DCLK2: variants seen among roughly 807,000 people sequenced by gnomAD.
DCLK2 encodes the protein doublecortin like kinase 2.
Under a neutral mutation model 78.4 loss-of-function variants are expected in DCLK2, and 31 were observed. That is an observed-to-expected ratio of 0.40 (90% confidence interval 0.30 to 0.53). The LOEUF (loss-of-function observed/expected upper bound fraction) is 0.53, where lower values mean the gene tolerates loss of function less well. Ranked by LOEUF, DCLK2 falls within the 20% of genes least tolerant of loss-of-function variation. DCLK2 has a pLI of 0.61. For synonymous variants in DCLK2, 407 were observed against 374.9 expected (o/e 1.09, Z -0.99); for missense variants, 872 against 973.7 (o/e 0.90, Z 1.39).
In DCLK2 at chr4:150,106,218, A is replaced by G. The variant is rs544854027; in HGVS notation, c.756+3406A>G. On this transcript the variant is annotated intron_variant, in intron 2 of 15. Coordinates refer to ENST00000296550, the MANE Select transcript of DCLK2 (RefSeq NM_001040260.4). Reference sequence around the variant, plus strand: ...TAGTGCTGAGTCCATGTTGTACTATATAGGTGAACTCGCTAATCTTCAAAA... The same window carrying G: ...TAGTGCTGAGTCCATGTTGTACTATGTAGGTGAACTCGCTAATCTTCAAAA... Among the ~76,000 whole-genome samples the G allele has an allele frequency of 3.3e-5, 5 of 152,318 alleles. No individual in the cohort carries two copies. In the South Asian group the frequency reaches 6.2e-4, roughly 19 times the overall value.
At chr4:150,208,401 TTTTTGTTTTG>T (rs139381318) in intron 5 of DCLK2, among the ~76,000 whole-genome samples, 17 of 146,716 alleles carry the variant, frequency 1.2e-4, no homozygotes, top group Non-Finnish European at 2.0e-4. Context: ...TTTTTTTTTG[TTTTTGTTTTG>T]TTTTGTTTTG....
At chr4:150,138,615 A>G (rs900816493) in intron 2 of DCLK2, among the ~76,000 whole-genome samples, 3 of 152,206 alleles carry the variant, frequency 2.0e-5, no homozygotes, top group South Asian at 4.1e-4. Flanking sequence ...TAAGAGGTTT[A>G]TATAGACCAG....
intron 12 of DCLK2, among the ~76,000 whole-genome samples, chr4:150,241,584 T>A (rs574093974): frequency 7.9e-5 from 12 of 152,240 alleles, no homozygotes; most frequent in Non-Finnish European, 1.3e-4. Flanking sequence ...AGGAATAAAG[T>A]GGTGAACAAA....
intron 1 of DCLK2, among the ~76,000 whole-genome samples, chr4:150,085,722 AG>A (rs1318282208): frequency 6.6e-6 from 1 of 152,224 alleles, no homozygotes; most frequent in Non-Finnish European, 1.5e-5. Flanking sequence ...GTGAGGATGC[AG>A]TGAGAAGTCA....
At chr4:150,082,829 T>A (rs968849159) in intron 1 of DCLK2, among the ~76,000 whole-genome samples, 2 of 152,206 alleles carry the variant, frequency 1.3e-5, no homozygotes, top group African/African-American at 4.8e-5. Flanking sequence ...GTTCCGTGTG[T>A]CTTCTCTCCT....
intron 4 of DCLK2, among the ~76,000 whole-genome samples, chr4:150,201,636 G>T (rs760135393): frequency 2.2e-4 from 34 of 152,114 alleles, no homozygotes; most frequent in Non-Finnish European, 3.7e-4. Context: ...CTACTGCAGA[G>T]ATCGCCATCT....
chr4:150,230,928 T>G (rs748171598), intron 8 of DCLK2, among the ~76,000 whole-genome samples: 5 of 152,226 alleles, frequency 3.3e-5, no homozygotes, highest in Non-Finnish European at 7.3e-5. Flanking sequence ...CTAGCCCTGT[T>G]CATTAAAAGA....
At chr4:150,130,458 C>T (rs879508113) in intron 2 of DCLK2, among the ~76,000 whole-genome samples, 3 of 152,024 alleles carry the variant, frequency 2.0e-5, no homozygotes, top group Non-Finnish European at 4.4e-5. Context: ...CACACATGTA[C>T]ACGAACATGC....
At chr4:150,255,895 C>T (rs541005433) in intron 15 of DCLK2, 125 bp from the exon 16 acceptor site, 1 of 1,441,840 alleles carries the variant, frequency 6.9e-7, no homozygotes, top group South Asian at 1.5e-5. Flanking sequence ...CTGTTAGAAG[C>T]TTGGCGTTAT....
At chr4:150,253,641 C>T (rs1232965348) in intron 15 of DCLK2, 14 of 1,274,254 alleles carry the variant, frequency 1.1e-5, no homozygotes, top group Admixed American at 4.8e-5. Flanking sequence ...CTGATGCCGC[C>T]GTCCGGCTCT....
At position 150,107,634 on chromosome 4, in the gene DCLK2, T is replaced by C. The variant is rs78152693; in HGVS notation, c.756+4822T>C. Among the ~76,000 whole-genome samples, 811 of 152,252 alleles carry C rather than the reference T, an allele frequency of 5.3e-3. 5 individuals are homozygous for C. Among genetic ancestry groups the C allele is most frequent in the African/African-American group, 0.018 (768 of 41,546 alleles). On this transcript the variant is annotated intron_variant, in intron 2 of 15. Coordinates refer to ENST00000296550, the MANE Select transcript of DCLK2 (RefSeq NM_001040260.4). ...CAAGCGATCCACTTACCTTGGCCTCTGAAAGTACTGGGACAAAGGCATGAG... is the reference window on the plus strand; with the variant it reads ...CAAGCGATCCACTTACCTTGGCCTCCGAAAGTACTGGGACAAAGGCATGAG...
chr4:150,252,015 G>A (rs964817990), intron 15 of DCLK2, among the ~76,000 whole-genome samples: 8 of 152,200 alleles, frequency 5.3e-5, no homozygotes, highest in South Asian at 4.2e-4. Flanking sequence ...CTTTGGGGGC[G>A]CTCTGTGCCA....
intron 2 of DCLK2, among the ~76,000 whole-genome samples, chr4:150,164,821 AT>A (rs961469200): frequency 6.6e-6 from 1 of 152,150 alleles, no homozygotes; most frequent in African/African-American, 2.4e-5. Context: ...AAGTCCAGTT[AT>A]ATTTTATTAG....
At chr4:150,247,219 A>G (rs1743384306) in intron 12 of DCLK2, among the ~76,000 whole-genome samples, 1 of 152,076 alleles carries the variant, frequency 6.6e-6, no homozygotes, top group Non-Finnish European at 1.5e-5. Flanking sequence ...TGGTAAATAT[A>G]CATAAGAAAA....
intron 2 of DCLK2, among the ~76,000 whole-genome samples, chr4:150,175,088 A>ATTTT (rs1384576001): frequency 5.5e-5 from 4 of 73,206 alleles, no homozygotes; most frequent in African/African-American, 2.4e-4. Context: ...ATATTTATAT[A>ATTTT]TATATTTATA....
intron 5 of DCLK2, among the ~76,000 whole-genome samples, chr4:150,210,132 A>G (rs993849880): frequency 6.6e-6 from 1 of 152,188 alleles, no homozygotes; most frequent in Non-Finnish European, 1.5e-5. Flanking sequence ...TGATCTTGGC[A>G]TGGCCACTCT....
At chr4:150,135,795 T>C (rs62338187) in intron 2 of DCLK2, among the ~76,000 whole-genome samples, 48,624 of 152,064 alleles carry the variant, frequency 0.32, 8,249 homozygotes, top group African/African-American at 0.44. Context: ...ACATTTTTCA[T>C]AGTGAAAAGT....
At chr4:150,208,819 A>G (rs1385985962) in intron 5 of DCLK2, among the ~76,000 whole-genome samples, 1 of 152,196 alleles carries the variant, frequency 6.6e-6, no homozygotes, top group Admixed American at 6.5e-5. Context: ...GCTTTAGTAC[A>G]ATAACAGAGT....
intron 2 of DCLK2, among the ~76,000 whole-genome samples, chr4:150,160,111 C>G (rs1345989482): frequency 6.6e-6 from 1 of 151,812 alleles, no homozygotes. Flanking sequence ...ACCTCCCAGG[C>G]TTAAGTGGTT....
Sources: gnomAD v4.1 joint callset for allele counts (sites outside exome capture counted in the v4.1 genomes callset) on GRCh38, gnomAD v4.1.1 for gene constraint, MANE v1.5 for transcripts, NCBI Gene and HGNC (gene_info 2026-07-23, HGNC 2026-07-21) for gene names.